The following AOC2 variants were observed in gnomAD, a reference collection of about 807,000 sequenced individuals.
The protein encoded by AOC2 is amine oxidase copper containing 2.
AOC2 carries 57 observed loss-of-function variants against 53.8 expected under a neutral mutation model. That is an observed-to-expected ratio of 1.06 (90% CI 0.86 to 1.32). AOC2 has a LOEUF of 1.32. Ranked by LOEUF, AOC2 falls within the 40% of genes most tolerant of loss-of-function variation. AOC2 has a pLI of 0.00. For synonymous variants in AOC2, 404 were observed against 399.0 expected (o/e 1.01, Z -0.15); for missense variants, 1,008 against 957.2 (o/e 1.05, Z -0.70).
Position 42,845,545 on chromosome 17 carries a change from C to A in AOC2, c.919C>A (p.Pro307Thr), listed in dbSNP as rs776842613. The part of the protein sequence containing the change: ...RSRNSPGPLP[P>T]LQFSPQGSQY... ...TCGGAACTCTCCAGGTCCTCTTCCC[C>A]CTCTTCAGTTCTCGCCCCAGGGTTC... The change falls in exon 1 of 4, where the codon CCT (proline) becomes ACT (threonine). Residue 307 changes from proline (P) to threonine (T), a missense_variant. Physicochemically the swap from Pro to Thr is conservative, Grantham distance 38. Transcript: ENST00000253799. 1.9e-6 allele frequency: 3 copies of A among 1,614,178 alleles called. No homozygotes were observed. Among genetic ancestry groups the A allele is most frequent in the Admixed American group, 1.7e-5 (1 of 60,028 alleles).
Position 42,845,176 on chromosome 17 carries a change from C to G in AOC2, c.550C>G (p.Leu184Val). 6.8e-6 allele frequency: 11 copies of G among 1,613,796 alleles called. No individual in the cohort carries two copies. Among genetic ancestry groups the G allele is most frequent in the Non-Finnish European group, 7.6e-6 (9 of 1,180,010 alleles). The change falls in exon 1 of 4, where the codon CTA (leucine) becomes GTA (valine). Residue 184 changes from leucine to valine, a missense_variant. Transcript: ENST00000253799. ...QMWRHLKEVE[L>V]PKAPIFLSST... ...GTGGAGGCATCTGAAAGAGGTGGAG[C>G]TACCCAAGGCACCCATCTTCCTGTC...
chr17:42,850,510 C>T lies in AOC2; in HGVS notation c.*162C>T, dbSNP rs978822334. ...AGTCCCTTTGGTTAATTCTTACTTC[C>T]TGTTCATCTCTAAAGTGTTAAATTA... On this transcript the variant is annotated 3_prime_UTR_variant, in exon 4 of 4. Coordinates refer to ENST00000253799, the MANE Select transcript of AOC2 (RefSeq NM_009590.4). 1 of 715,824 alleles carries T rather than the reference C, an allele frequency of 1.4e-6. No individual in the cohort carries two copies. The highest frequency in any genetic ancestry group is 1.8e-5 in the African/African-American group (1 of 55,862). The allele number at this position is 715,824 out of a possible 1,614,324, so 44.3% of individuals were successfully genotyped here. A position where few individuals can be genotyped will look rare whatever the true frequency, so the allele number is the denominator to read the frequency against.
At chr17:42,846,247 G>A (rs769010822) in intron 1 of AOC2, 33 bp downstream of exon 1, 1 of 1,501,594 alleles carries the variant, frequency 6.7e-7, no homozygotes. Flanking sequence ...TGGAGACTTG[G>A]GGGCGGGGTC....
chr17:42,849,402 A>C, intron 2 of AOC2, 31 bp downstream of exon 2: 7 of 1,601,814 alleles, frequency 4.4e-6, no homozygotes, highest in Non-Finnish European at 6.0e-6. Flanking sequence ...GGTGGAAGGA[A>C]AGGACAGCCC....
At position 42,846,120 on chromosome 17, in the gene AOC2, G is replaced by A. The variant is rs375914714; in HGVS notation, c.1494G>A (p.Glu498=). Residue 498 remains glutamate, a synonymous_variant, in exon 1 of 4, where the codon GAG becomes GAA. Transcript: ENST00000253799. ...ACACAGCTTTCCTGAAAGGGGGAGA[G>A]GAGGGCCTCCTCTTTGGGAACCGTG... ...YINTAFLKGG[E]EGLLFGNRVG... 4 of 1,583,714 alleles carry A rather than the reference G, an allele frequency of 2.5e-6. No homozygotes were observed. In the African/African-American group the frequency reaches 5.4e-5, roughly 21 times the overall value.
chr17:42,846,153 A>G lies in AOC2; in HGVS notation c.1527A>G (p.Glu509=). 3 of 1,558,934 alleles carry G rather than the reference A, an allele frequency of 1.9e-6. No homozygotes were observed. Among genetic ancestry groups the G allele is most frequent in the Non-Finnish European group, 8.7e-7 (1 of 1,151,270 alleles). Residue 509 remains glutamate (E), a synonymous_variant, in exon 1 of 4, where the codon GAA becomes GAG. Coordinates refer to ENST00000253799, the MANE Select transcript of AOC2 (RefSeq NM_009590.4). ...EGLLFGNRVG[E]RVLGTVHTHA... ...TCCTCTTTGGGAACCGTGTGGGGGAAAGAGTGCTGGGAACGGTGCACACAC... is the reference window on the plus strand; with the variant it reads ...TCCTCTTTGGGAACCGTGTGGGGGAGAGAGTGCTGGGAACGGTGCACACAC...
rs1378490440 is a variant in AOC2 at position 42,849,165 on chromosome 17, G to C, written c.1668G>C (p.Gln556His). 1 of 1,614,188 alleles carries C rather than the reference G, an allele frequency of 6.2e-7. No homozygotes were observed. The highest frequency in any genetic ancestry group is 1.1e-5 in the South Asian group (1 of 91,086). Residue 556 changes from glutamine to histidine, a missense_variant, in exon 2 of 4, where the codon CAG (glutamine) becomes CAC (histidine). Physicochemically the swap from Gln to His is conservative, Grantham distance 24. Coordinates refer to ENST00000253799, the MANE Select transcript of AOC2 (RefSeq NM_009590.4). ...AAPWNPEHWL[Q>H]RPQLTRQVLG... ...CCTGGAACCCGGAGCACTGGCTACA[G>C]CGCCCACAGCTGACTCGGCAGGTCC...
At position 42,846,023 on chromosome 17, in the gene AOC2, A is replaced by G; in HGVS notation, c.1397A>G (p.Asp466Gly). ...VRSVSSVGNY[D>G]YIWDFVLYPN... ...TCTGTGTCATCTGTGGGCAACTATGACTACATTTGGGACTTTGTGTTGTAC... is the reference window on the plus strand; with the variant it reads ...TCTGTGTCATCTGTGGGCAACTATGGCTACATTTGGGACTTTGTGTTGTAC... The change falls in exon 1 of 4, where the codon GAC becomes GGC. Residue 466 changes from aspartate (D) to glycine (G), a missense_variant. Transcript: ENST00000253799. The G allele has an allele frequency of 6.2e-7, 1 of 1,613,782 alleles. No individual in the cohort carries two copies. The highest frequency in any genetic ancestry group is 8.5e-7 in the Non-Finnish European group (1 of 1,179,714).
At chr17:42,846,317 A>G in intron 1 of AOC2, 103 bp downstream of exon 1, 1 of 1,341,666 alleles carries the variant, frequency 7.5e-7, no homozygotes. Context: ...ACAAGTGGCA[A>G]GAGCAGGGTG....
At position 42,848,065 on chromosome 17, in the gene AOC2, C is replaced by CTTTTTTT. The variant is rs61450612; in HGVS notation, c.1589-1001_1589-995dup. On this transcript the variant is annotated intron_variant, in intron 1 of 3. Transcript: ENST00000253799. ...AGTGCTGTGAGCTACCATGCCCGGC[C>CTTTTTTT]TTTTTTTTTTTTTTTTTTTTTTTTT... Among the ~76,000 whole-genome samples the CTTTTTTT allele has an allele frequency of 2.0e-4, 20 of 101,346 alleles. 1 individual carries two copies. The highest frequency in any genetic ancestry group is 8.0e-4 in the African/African-American group (15 of 18,660). The allele number at this position is 101,346 out of a possible 152,430, so 66.5% of individuals were successfully genotyped here.
chr17:42,849,448 C>A (rs758672552), intron 2 of AOC2, 77 bp downstream of exon 2: 123 of 1,575,062 alleles, frequency 7.8e-5, no homozygotes, highest in Non-Finnish European at 1.0e-4. Flanking sequence ...AAACTCCCTT[C>A]CCACGGCTAC....
At chr17:42,846,424 G>C (rs547347500) in intron 1 of AOC2, among the ~76,000 whole-genome samples, 20 of 152,280 alleles carry the variant, frequency 1.3e-4, no homozygotes, top group African/African-American at 4.8e-4. Context: ...TCTGGTAAAA[G>C]GTGAAAAGAG....
chr17:42,845,863 A>G lies in AOC2; in HGVS notation c.1237A>G (p.Lys413Glu), dbSNP rs202096420. The change falls in exon 1 of 4, where the codon AAA becomes GAA. Residue 413 changes from lysine (K) to glutamate (E), a missense_variant. Transcript: ENST00000253799. ...TMVDIHILVG[K>E]GAVQLLPGAV... is the part of the protein sequence containing the mutation. ...GGTGGACATCCATATATTAGTGGGC[A>G]AAGGGGCAGTCCAGCTGCTTCCAGG... 1 of 1,614,136 alleles carries G rather than the reference A, an allele frequency of 6.2e-7. No homozygotes were observed. Among genetic ancestry groups the G allele is most frequent in the Non-Finnish European group, 8.5e-7 (1 of 1,180,014 alleles).
In AOC2 at chr17:42,845,168, A is replaced by G; in HGVS notation, c.542A>G (p.Glu181Gly). Residue 181 changes from glutamate to glycine, a missense_variant, in exon 1 of 4, where the codon GAG (glutamate) becomes GGG (glycine). Coordinates refer to ENST00000253799, the MANE Select transcript of AOC2 (RefSeq NM_009590.4). Reference sequence around the variant, plus strand: ...ACACAGATGTGGAGGCATCTGAAAGAGGTGGAGCTACCCAAGGCACCCATC... The same window carrying G: ...ACACAGATGTGGAGGCATCTGAAAGGGGTGGAGCTACCCAAGGCACCCATC... ...EFTQMWRHLKEVELPKAPIFL... is the reference protein window; with the variant it reads ...EFTQMWRHLKGVELPKAPIFL... 1 of 1,613,794 alleles carries G rather than the reference A, an allele frequency of 6.2e-7. No individual in the cohort carries two copies. The highest frequency in any genetic ancestry group is 8.5e-7 in the Non-Finnish European group (1 of 1,180,034).
In AOC2 at chr17:42,850,417, G is replaced by A. The variant is rs543251149; in HGVS notation, c.*69G>A. The A allele has an allele frequency of 2.8e-5, 42 of 1,495,872 alleles. No individual in the cohort carries two copies. The highest frequency in any genetic ancestry group is 1.8e-4 in the Middle Eastern group (1 of 5,570). 92.7% of individuals were successfully genotyped at this position (1,495,872 alleles called of 1,614,324 possible). A position where few individuals can be genotyped will look rare whatever the true frequency, so the allele number is the denominator to read the frequency against. On this transcript the variant is annotated 3_prime_UTR_variant, in exon 4 of 4. Coordinates refer to ENST00000253799, the MANE Select transcript of AOC2 (RefSeq NM_009590.4). ...TCCCTGTTTCTACTTTCTATTCTCC[G>A]TGTTTTTATCACACCTGCTCCCCAG...
At chr17:42,849,778 T>C in intron 3 of AOC2, 48 bp downstream of exon 3, 1 of 1,611,878 alleles carries the variant, frequency 6.2e-7, no homozygotes, top group Non-Finnish European at 8.5e-7. Flanking sequence ...GGGCATGGCA[T>C]CTTGGCTGCC....
chr17:42,849,398 A>G (rs377372798), intron 2 of AOC2, 27 bp downstream of exon 2: 33 of 1,602,254 alleles, frequency 2.1e-5, no homozygotes, highest in Non-Finnish European at 2.5e-5. Flanking sequence ...CCTGGGTGGA[A>G]GGAAAGGACA....
rs376420235 is a variant in AOC2, at chr17:42,845,753, C to T, written c.1127C>T (p.Thr376Ile). The T allele has an allele frequency of 1.9e-6, 3 of 1,614,052 alleles. No homozygotes were observed. The highest frequency in any genetic ancestry group is 2.2e-5 in the East Asian group (1 of 44,892). The change falls in exon 1 of 4, where the codon ACT (threonine) becomes ATT (isoleucine). Residue 376 changes from threonine to isoleucine, a missense_variant. Coordinates refer to ENST00000253799, the MANE Select transcript of AOC2 (RefSeq NM_009590.4). ...GCCGATTCACCCAAGACGATGCTGA[C>T]TCGCTATTTGGATAGCAGCTTTGGA... ...YGADSPKTML[T>I]RYLDSSFGLG... is the part of the protein sequence containing the mutation.
rs767395208 is a variant in AOC2 at position 42,849,087 on chromosome 17, G to T, written c.1590G>T (p.Gly530=). 39 of 1,607,214 alleles carry T rather than the reference G, an allele frequency of 2.4e-5. No individual in the cohort carries two copies. Among genetic ancestry groups the T allele is most frequent in the Non-Finnish European group, 3.1e-5 (36 of 1,174,738 alleles). The change falls in exon 2 of 4, where the codon GGG becomes GGT. Residue 530 remains glycine (G), a splice_region_variant and synonymous_variant. Transcript: ENST00000253799. ...FHFKLDLDVA[G]LKNWVVAEDV... is the part of the protein sequence containing the mutation. ...ATCTCCTTTCCCTCCCCCTGGCAGG[G>T]CTGAAAAACTGGGTGGTAGCTGAAG...
Sources: gnomAD v4.1 joint callset for allele counts (sites outside exome capture counted in the v4.1 genomes callset) on GRCh38, gnomAD v4.1.1 for gene constraint, MANE v1.5 for transcripts, NCBI Gene and HGNC (gene_info 2026-07-23, HGNC 2026-07-21) for gene names.